ATG2A: variants seen among roughly 807,000 people sequenced by gnomAD.
ATG2A encodes the protein autophagy-related protein 2 homolog A.
ATG2A carries 103 observed loss-of-function variants against 214.2 expected under a neutral mutation model. The ratio of observed to expected loss-of-function variants is 0.48; its 90% CI spans 0.41 to 0.57. The LOEUF is 0.57. Ranked by LOEUF, ATG2A falls within the 20% of genes least tolerant of loss-of-function variation. The pLI is 0.00. For missense variants in ATG2A, 2,312 were observed against 2,613.2 expected (o/e 0.88, Z 2.51); for synonymous variants, 1,160 against 1,142.1 (o/e 1.02, Z -0.32).
In ATG2A at chr11:64,913,467, T is replaced by C. The variant is rs1382374617; in HGVS notation, c.591-66A>G. ...GCCTGGAGCCCCTCTCTCCACACAG[T>C]GCTCTGCTCTAGGGGCACGGGGTCA... On this transcript the variant is annotated intron_variant, in intron 4 of 40. Coordinates refer to ENST00000377264, the MANE Select transcript of ATG2A (RefSeq NM_015104.3). This position sits in a 1 kb window ranked among gnomAD's most constrained non-coding sequence, Gnocchi z 4.3. The C allele has an allele frequency of 1.3e-6, 2 of 1,486,208 alleles. No homozygotes were observed. The highest frequency in any genetic ancestry group is 2.5e-5 in the East Asian group (1 of 40,678). 92.1% of individuals were successfully genotyped at this position (1,486,208 alleles called of 1,614,324 possible).
chr11:64,897,594 G>A (rs1409308992), intron 36 of ATG2A, 77 bp downstream of exon 36: 31 of 1,608,292 alleles, frequency 1.9e-5, no homozygotes, highest in Non-Finnish European at 2.3e-5. Flanking sequence ...ACAGTGCCTG[G>A]ATGCAAGACC....
In ATG2A at chr11:64,901,064, T is replaced by A; in HGVS notation, c.4148A>T (p.Gln1383Leu). The A allele has an allele frequency of 6.3e-7, 1 of 1,577,474 alleles. No homozygotes were observed. The highest frequency in any genetic ancestry group is 8.6e-7 in the Non-Finnish European group (1 of 1,161,764). ...CACAACGATGGGGCCGGGATGCAGCTGTGTCACCACAGGCTCCCCATCTCG... is the reference window on the plus strand; with the variant it reads ...CACAACGATGGGGCCGGGATGCAGCAGTGTCACCACAGGCTCCCCATCTCG... Reference protein sequence around the residue: ...PPRDGEPVVTQLHPGPIVVRD... With the variant: ...PPRDGEPVVTLLHPGPIVVRD... Residue 1383 changes from glutamine (Q) to leucine (L), a missense_variant, in exon 30 of 41, where the codon CAG becomes CTG. By Grantham distance (113) the Gln-to-Leu change is moderately radical. Transcript: ENST00000377264.
At position 64,907,320 on chromosome 11, in the gene ATG2A, G is replaced by C. The variant is rs1944588232; in HGVS notation, c.2767C>G (p.Gln923Glu). 1 of 1,552,242 alleles carries C rather than the reference G, an allele frequency of 6.4e-7. No homozygotes were observed. Among genetic ancestry groups the C allele is most frequent in the Non-Finnish European group, 8.7e-7 (1 of 1,147,732 alleles). The change falls in exon 19 of 41, where the codon CAG becomes GAG. Residue 923 changes from glutamine to glutamate, a missense_variant. Physicochemically the swap from Gln to Glu is conservative, Grantham distance 29. Coordinates refer to ENST00000377264, the MANE Select transcript of ATG2A (RefSeq NM_015104.3). ...GTCACCAGTGTAGAGAAGGTGCTCT[G>C]CAAGTGAAGACTTGGGGCCTCAGGG... The part of the protein sequence containing the change: ...AAPEAPSLHL[Q>E]STFSTLVTVL...
At position 64,895,078 on chromosome 11, in the gene ATG2A, G is replaced by T; in HGVS notation, c.5712C>A (p.Ala1904=). The T allele has an allele frequency of 1.2e-6, 2 of 1,613,006 alleles. No individual in the cohort carries two copies. The highest frequency in any genetic ancestry group is 1.7e-6 in the Non-Finnish European group (2 of 1,179,778). ...CGAGCAGGCTGGACGTGGCCTCCGT[G>T]GCCAGGATGAGCGGCTTCACCACAG... is the stretch of plus-strand genomic sequence containing the variant. ...PPTVVKPLIL[A]TEATSSLLGG... is the part of the protein sequence containing the mutation. Residue 1904 remains alanine (A), a synonymous_variant, in exon 41 of 41, where the codon GCC becomes GCA. Coordinates refer to ENST00000377264, the MANE Select transcript of ATG2A (RefSeq NM_015104.3). This position sits in a 1 kb window ranked among gnomAD's most constrained non-coding sequence, Gnocchi z 5.0.
In ATG2A at chr11:64,907,595, G is replaced by A. The variant is rs11602766; in HGVS notation, c.2577C>T (p.Pro859=). ...AGCCTGAGGGGCCGGGGAAGCCCGA[G>A]GGCTGGGCGGCGGGGTCGGGGGTGG... ...LLPTPDPAAQ[P]SGFPGPSGFW... The change falls in exon 18 of 41, where the codon CCC becomes CCT. Residue 859 remains proline, a synonymous_variant. Transcript: ENST00000377264. 7 of 1,605,528 alleles carry A rather than the reference G, an allele frequency of 4.4e-6. No individual in the cohort carries two copies. The highest frequency in any genetic ancestry group is 1.7e-4 in the Middle Eastern group (1 of 6,026).
chr11:64,909,683 T>G lies in ATG2A; in HGVS notation c.2105A>C (p.His702Pro), dbSNP rs768658302. The change falls in exon 14 of 41, where the codon CAT becomes CCT. Residue 702 changes from histidine to proline, a missense_variant and splice_region_variant. Transcript: ENST00000377264. ...TTCTGTCACTCGGGGGCTCTCACCA[T>G]GTAGGTCGGAGCAGGTGAGTTCCAG... ...THLELTCSDL[H>P]GIYEDGGKPP... The G allele has an allele frequency of 6.2e-7, 1 of 1,611,934 alleles. No individual in the cohort carries two copies. The highest frequency in any genetic ancestry group is 8.5e-7 in the Non-Finnish European group (1 of 1,179,264).
In ATG2A at chr11:64,913,584, A is replaced by G. The variant is rs1320019189; in HGVS notation, c.591-183T>C. ...AGGCTCAGGCCAGCCCTTGCTCCTC[A>G]GACCCTCAGCATCTAACTTGGTTCT... is the stretch of plus-strand genomic sequence containing the variant. On this transcript the variant is annotated intron_variant, in intron 4 of 40. Transcript: ENST00000377264. This position sits in a 1 kb window ranked among gnomAD's most constrained non-coding sequence, Gnocchi z 4.3. The G allele has an allele frequency of 2.2e-6, 2 of 898,002 alleles. No homozygotes were observed. The highest frequency in any genetic ancestry group is 5.3e-5 in the East Asian group (2 of 37,508). 55.6% of individuals were successfully genotyped at this position (898,002 alleles called of 1,614,324 possible). A position where few individuals can be genotyped will look rare whatever the true frequency, so the allele number is the denominator to read the frequency against.
Position 64,906,175 on chromosome 11 carries a change from G to T in ATG2A, c.3202C>A (p.Arg1068=). 6.2e-7 allele frequency: 1 copy of T among 1,608,398 alleles called. No individual in the cohort carries two copies. The highest frequency in any genetic ancestry group is 8.5e-7 in the Non-Finnish European group (1 of 1,177,734). The change falls in exon 22 of 41, where the codon CGG becomes AGG. Residue 1068 remains arginine, a synonymous_variant. Coordinates refer to ENST00000377264, the MANE Select transcript of ATG2A (RefSeq NM_015104.3). The part of the protein sequence containing the change: ...KNVKEFLVTL[R]LHKATLRHYM... ...TGGCGCAAGGTGGCTTTGTGCAACCGCAGTGTCACCAGGAACTCCTGAGGG... is the reference window on the plus strand; with the variant it reads ...TGGCGCAAGGTGGCTTTGTGCAACCTCAGTGTCACCAGGAACTCCTGAGGG...
rs778595756 is a variant in ATG2A, at chr11:64,902,699, G to C, written c.3613-19C>G. On this transcript the variant is annotated intron_variant, in intron 26 of 40. Transcript: ENST00000377264. Reference sequence around the variant, plus strand: ...GCTGGCTCTGCAGGGGCGGGGTGGGGGGAGCAGCTATGTGAACACAGGGGC... The same window carrying C: ...GCTGGCTCTGCAGGGGCGGGGTGGGCGGAGCAGCTATGTGAACACAGGGGC... The C allele has an allele frequency of 6.2e-7, 1 of 1,602,102 alleles. No homozygotes were observed. The highest frequency in any genetic ancestry group is 8.5e-7 in the Non-Finnish European group (1 of 1,174,066).
At position 64,911,245 on chromosome 11, in the gene ATG2A, G is replaced by A. The variant is rs752455692; in HGVS notation, c.1259C>T (p.Thr420Ile). 2 of 1,613,986 alleles carry A rather than the reference G, an allele frequency of 1.2e-6. No individual in the cohort carries two copies. Among genetic ancestry groups the A allele is most frequent in the East Asian group, 4.5e-5 (2 of 44,894 alleles). The change falls in exon 10 of 41, where the codon ACC becomes ATC. Residue 420 changes from threonine to isoleucine, a missense_variant. Thr to Ile is a moderately conservative substitution (Grantham distance 89). Coordinates refer to ENST00000377264, the MANE Select transcript of ATG2A (RefSeq NM_015104.3). Reference sequence around the variant, plus strand: ...CTTCAGCAGCGAGTCAGGGCGCATGGTGTCCAGGAGGGGGTTGGGGGCCAT... The same window carrying A: ...CTTCAGCAGCGAGTCAGGGCGCATGATGTCCAGGAGGGGGTTGGGGGCCAT... ...GKMAPNPLLDTMRPDSLLKMT... is the reference protein window; with the variant it reads ...GKMAPNPLLDIMRPDSLLKMT...
rs755604370 is a variant in ATG2A at position 64,895,792 on chromosome 11, C to T, written c.5428-350G>A. Reference sequence around the variant, plus strand: ...ACCGCTCCTTGCCTGGCCCCCCAGACGCCCCTGCCAGATGGTCAGAGGCCC... The same window carrying T: ...ACCGCTCCTTGCCTGGCCCCCCAGATGCCCCTGCCAGATGGTCAGAGGCCC... On this transcript the variant is annotated intron_variant, in intron 39 of 40. Coordinates refer to ENST00000377264, the MANE Select transcript of ATG2A (RefSeq NM_015104.3). The surrounding 1 kb of genome is among the most constrained non-coding windows in gnomAD (Gnocchi z 5.0). 9.9e-5 allele frequency among the ~76,000 whole-genome samples: 15 copies of T among 152,152 alleles called. No individual in the cohort carries two copies. The highest frequency in any genetic ancestry group is 2.2e-4 in the Non-Finnish European group (15 of 67,996).
At chr11:64,911,323 C>A (rs375297330) in intron 9 of ATG2A, 48 bp from the exon 10 acceptor site, 17 of 1,580,406 alleles carry the variant, frequency 1.1e-5, no homozygotes, top group Non-Finnish European at 1.4e-5. Context: ...ATTCCGGGTA[C>A]CCCAGGTGGA....
At position 64,898,921 on chromosome 11, in the gene ATG2A, A is replaced by G. The variant is rs781097127; in HGVS notation, c.4465-79T>C. 1 of 1,379,344 alleles carries G rather than the reference A, an allele frequency of 7.2e-7. No homozygotes were observed. The highest frequency in any genetic ancestry group is 2.4e-5 in the East Asian group (1 of 41,272). 85.4% of individuals were successfully genotyped at this position (1,379,344 alleles called of 1,614,324 possible). ...AGGGCTGGCCCCAGACCCCTTCTCTATTCTTTTTTTGAGACAGAGTCTCAC... is the reference window on the plus strand; with the variant it reads ...AGGGCTGGCCCCAGACCCCTTCTCTGTTCTTTTTTTGAGACAGAGTCTCAC... On this transcript the variant is annotated intron_variant, in intron 31 of 40. Transcript: ENST00000377264. This position sits in a 1 kb window ranked among gnomAD's most constrained non-coding sequence, Gnocchi z 4.5.
In ATG2A at chr11:64,900,907, G is replaced by T. The variant is rs1312184547; in HGVS notation, c.4305C>A (p.Asp1435Glu). 2 of 1,565,304 alleles carry T rather than the reference G, an allele frequency of 1.3e-6. No individual in the cohort carries two copies. The highest frequency in any genetic ancestry group is 2.4e-5 in the East Asian group (1 of 41,750). ...ACCTGTGGCCGGGGTGGGGGCCAAA[G>T]TCTCGGCCCCCATAGAGGTGCCAGA... is the stretch of plus-strand genomic sequence containing the variant. Reference protein sequence around the residue: ...SLVWHLYGGRDFGPHPGHRAR... With the variant: ...SLVWHLYGGREFGPHPGHRAR... The change falls in exon 30 of 41, where the codon GAC (aspartate) becomes GAA (glutamate). Residue 1435 changes from aspartate (D) to glutamate (E), a missense_variant. Physicochemically the swap from Asp to Glu is conservative, Grantham distance 45. Coordinates refer to ENST00000377264, the MANE Select transcript of ATG2A (RefSeq NM_015104.3).
Position 64,906,156 on chromosome 11 carries a change from A to G in ATG2A, c.3221T>C (p.Leu1074Ser), listed in dbSNP as rs761949543. ...CTCGGGCAGGGCCATGTAGTGGCGCAAGGTGGCTTTGTGCAACCGCAGTGT... is the reference window on the plus strand; with the variant it reads ...CTCGGGCAGGGCCATGTAGTGGCGCGAGGTGGCTTTGTGCAACCGCAGTGT... Reference protein sequence around the residue: ...LVTLRLHKATLRHYMALPEQS... With the variant: ...LVTLRLHKATSRHYMALPEQS... The change falls in exon 22 of 41, where the codon TTG becomes TCG. Residue 1074 changes from leucine to serine, a missense_variant. Leu to Ser is a moderately radical substitution (Grantham distance 145). Transcript: ENST00000377264. The G allele has an allele frequency of 1.9e-6, 3 of 1,604,660 alleles. No individual in the cohort carries two copies. The highest frequency in any genetic ancestry group is 2.6e-6 in the Non-Finnish European group (3 of 1,175,924).
chr11:64,911,935 G>C lies in ATG2A; in HGVS notation c.1135C>G (p.Leu379Val), dbSNP rs778576209. The change falls in exon 9 of 41, where the codon CTC becomes GTC. Residue 379 changes from leucine to valine, a missense_variant. By Grantham distance (32) the Leu-to-Val change is conservative. Coordinates refer to ENST00000377264, the MANE Select transcript of ATG2A (RefSeq NM_015104.3). ...ACATCGGAGAGGGAGAGCTCAGAGA[G>C]GGCTGAGGCCACACTGCTTGTGAGG... ...AGLTSSVASA[L>V]SELSLSDVDL... The C allele has an allele frequency of 6.2e-7, 1 of 1,613,708 alleles. No homozygotes were observed. Among genetic ancestry groups the C allele is most frequent in the South Asian group, 1.1e-5 (1 of 90,968 alleles).
In ATG2A at chr11:64,914,199, T is replaced by C. The variant is rs776655743; in HGVS notation, c.369A>G (p.Ser123=). Residue 123 remains serine, a synonymous_variant, in exon 3 of 41, where the codon TCA becomes TCG. Transcript: ENST00000377264. Reference sequence around the variant, plus strand: ...CCAGCTGCAGGCTTGTGGTCATGCATGAGGCCCAGCTCTGTGAGTCGGCAG... The same window carrying C: ...CCAGCTGCAGGCTTGTGGTCATGCACGAGGCCCAGCTCTGTGAGTCGGCAG... ...PGAADSQSWA[S]CMTTSLQLAQ... 1.3e-6 allele frequency: 2 copies of C among 1,553,948 alleles called. No individual in the cohort carries two copies.
Position 64,910,103 on chromosome 11 carries a change from C to T in ATG2A, c.1800G>A (p.Leu600=), listed in dbSNP as rs1944710779. The change falls in exon 13 of 41, where the codon CTG becomes CTA. Residue 600 remains leucine (L), a synonymous_variant. Coordinates refer to ENST00000377264, the MANE Select transcript of ATG2A (RefSeq NM_015104.3). ...GGCGCAGTAGGGCGGCCAGCCGGTC[C>T]AGGGCCCCCAGCTCCACGTCCGCCT... ...NFQADVELGA[L]DRLAALLRLA... 1.2e-6 allele frequency: 2 copies of T among 1,611,072 alleles called. No individual in the cohort carries two copies. The highest frequency in any genetic ancestry group is 1.3e-5 in the African/African-American group (1 of 74,932).
In ATG2A at chr11:64,907,561, C is replaced by T. The variant is rs780770528; in HGVS notation, c.2611G>A (p.Asp871Asn). The change falls in exon 18 of 41, where the codon GAC becomes AAC. Residue 871 changes from aspartate (D) to asparagine (N), a missense_variant. Coordinates refer to ENST00000377264, the MANE Select transcript of ATG2A (RefSeq NM_015104.3). The stretch of plus-strand genomic sequence containing the variant: ...GCTGACTTGCACATCTTAAAGCTGT[C>T]GTGCCAGAAGCCTGAGGGGCCGGGG... Reference protein sequence around the residue: ...GFPGPSGFWHDSFKMCKSAFK... With the variant: ...GFPGPSGFWHNSFKMCKSAFK... 5.0e-6 allele frequency: 8 copies of T among 1,610,480 alleles called. No homozygotes were observed. Among genetic ancestry groups the T allele is most frequent in the African/African-American group, 4.0e-5 (3 of 74,384 alleles).
Sources: gnomAD v4.1 joint callset for allele counts (sites outside exome capture counted in the v4.1 genomes callset) on GRCh38, gnomAD v4.1.1 for gene constraint, Gnocchi (gnomAD v3.1) non-coding constraint, MANE v1.5 for transcripts, NCBI Gene and HGNC (gene_info 2026-07-23, HGNC 2026-07-21) for gene names.